The following ADGRL3 variants were observed in gnomAD, a reference collection of about 807,000 sequenced individuals.
The protein encoded by ADGRL3 is adhesion G protein-coupled receptor L3.
A neutral mutation model predicts 153.5 loss-of-function variants in ADGRL3; 62 were observed. That is an observed-to-expected ratio of 0.40 (90% CI 0.33 to 0.50). The LOEUF (loss-of-function observed/expected upper bound fraction) is 0.50, where lower values mean the gene tolerates loss of function less well. Ranked by LOEUF, ADGRL3 falls within the 20% of genes least tolerant of loss-of-function variation. The probability of loss-of-function intolerance (pLI) is 0.47; values close to 1 mark genes in which losing one functional copy is unlikely to be tolerated. For synonymous variants in ADGRL3, 710 were observed against 672.5 expected (o/e 1.06, Z -0.86); for missense variants, 1,641 against 1,859.4 (o/e 0.88, Z 2.16).
At chr4:61,817,965 G>T (rs528503007) in intron 9 of ADGRL3, among the ~76,000 whole-genome samples, 148 of 152,144 alleles carry the variant, frequency 9.7e-4, no homozygotes, top group African/African-American at 3.4e-3. Context: ...TAGAGACACA[G>T]CCAAACCATA....
chr4:61,574,918 G>A (rs1441311086), intron 4 of ADGRL3, among the ~76,000 whole-genome samples: 1 of 150,964 alleles, frequency 6.6e-6, no homozygotes, highest in Non-Finnish European at 1.5e-5. Context: ...ATATTAGAAG[G>A]CTTATATATT....
intron 13 of ADGRL3, among the ~76,000 whole-genome samples, chr4:61,933,424 C>T (rs1581524362): frequency 6.6e-6 from 1 of 152,158 alleles, no homozygotes; most frequent in South Asian, 2.1e-4. Flanking sequence ...TCACGCTTTA[C>T]ACCAAGAACA....
In ADGRL3 at chr4:61,517,653, C is replaced by T. The variant is rs560971801; in HGVS notation, c.259+135C>T. The stretch of plus-strand genomic sequence containing the variant: ...CATTCACTTTTGTGGCTGATATTAC[C>T]ACTTAGTGATATCCTGGCCATTTTT... On this transcript the variant is annotated intron_variant, in intron 4 of 26. Coordinates refer to ENST00000683033, the MANE Select transcript of ADGRL3 (RefSeq NM_001387552.1). The T allele has an allele frequency of 3.1e-5, 19 of 621,766 alleles. No individual in the cohort carries two copies. In the African/African-American group the frequency reaches 3.1e-4, roughly 10 times the overall value. 38.5% of individuals were successfully genotyped at this position (621,766 alleles called of 1,614,324 possible).
intron 8 of ADGRL3, among the ~76,000 whole-genome samples, chr4:61,736,045 A>G (rs1454137341): frequency 6.6e-6 from 1 of 152,074 alleles, no homozygotes; most frequent in Non-Finnish European, 1.5e-5. Flanking sequence ...ATATGACTAT[A>G]TGCTTTTTGT....
chr4:61,881,539 C>T (rs1034564945), intron 9 of ADGRL3, among the ~76,000 whole-genome samples: 8 of 152,082 alleles, frequency 5.3e-5, no homozygotes, highest in Admixed American at 1.3e-4. Flanking sequence ...CCACCATGCC[C>T]GGCTAGTTTT....
At chr4:61,309,353 A>G (rs970060161) in intron 1 of ADGRL3, among the ~76,000 whole-genome samples, 2 of 152,118 alleles carry the variant, frequency 1.3e-5, no homozygotes, top group Non-Finnish European at 2.9e-5. Context: ...CACTCCCTCT[A>G]TCAAGCCTCT....
At chr4:61,494,377 A>G (rs796653695) in intron 2 of ADGRL3, among the ~76,000 whole-genome samples, 13 of 152,298 alleles carry the variant, frequency 8.5e-5, no homozygotes, top group African/African-American at 3.1e-4. Context: ...AAGGCAAAAA[A>G]GGCACAGAAA....
intron 3 of ADGRL3, among the ~76,000 whole-genome samples, chr4:61,512,170 GCAAT>G (rs796746127): frequency 5.7e-4 from 86 of 152,186 alleles, no homozygotes; most frequent in African/African-American, 1.9e-3. Context: ...CATTTCAGTA[GCAAT>G]CAGCCATTTG....
rs869176171 is a variant in ADGRL3, at chr4:61,391,855, CT to C, written c.-174+8688del. ...AAAATTATCCAAGTGAAAAATGCTACTTTTTTTTTTTTTTTTTTTTTTGAGA... is the reference window on the plus strand; with the variant it reads ...AAAATTATCCAAGTGAAAAATGCTACTTTTTTTTTTTTTTTTTTTTTGAGA... On this transcript the variant is annotated intron_variant, in intron 2 of 26. Coordinates refer to ENST00000683033, the MANE Select transcript of ADGRL3 (RefSeq NM_001387552.1). Among the ~76,000 whole-genome samples the C allele has an allele frequency of 2.0e-3, 188 of 93,632 alleles. 11 individuals carry two copies. The highest frequency in any genetic ancestry group is 4.7e-3 in the African/African-American group (113 of 24,250). The allele number at this position is 93,632 out of a possible 152,430, so 61.4% of individuals were successfully genotyped here.
chr4:62,059,160 C>T (rs1738694472), intron 25 of ADGRL3, among the ~76,000 whole-genome samples: 1 of 152,004 alleles, frequency 6.6e-6, no homozygotes, highest in South Asian at 2.1e-4. Context: ...GGAAGTATGT[C>T]CTCTTGAGGT....
intron 2 of ADGRL3, among the ~76,000 whole-genome samples, chr4:61,384,933 G>A (rs551606226): frequency 1.3e-4 from 20 of 152,016 alleles, no homozygotes; most frequent in Non-Finnish European, 2.6e-4. Context: ...AACTGCTAAC[G>A]GATACAAGGT....
At chr4:61,563,156 T>C (rs1443271854) in intron 4 of ADGRL3, among the ~76,000 whole-genome samples, 1 of 152,146 alleles carries the variant, frequency 6.6e-6, no homozygotes, top group Non-Finnish European at 1.5e-5. Context: ...GACTGGAGTA[T>C]GTTGTGTTAG....
At chr4:61,609,988 G>T (rs917582194) in intron 5 of ADGRL3, among the ~76,000 whole-genome samples, 3 of 151,892 alleles carry the variant, frequency 2.0e-5, no homozygotes, top group Non-Finnish European at 4.4e-5. Flanking sequence ...AGACATTTTT[G>T]AAAGTAAAAA....
chr4:61,418,392 C>G (rs1456382676), intron 2 of ADGRL3, among the ~76,000 whole-genome samples: 1 of 152,154 alleles, frequency 6.6e-6, no homozygotes, highest in African/African-American at 2.4e-5. Context: ...TGCAATTGAG[C>G]ATATTTCAGG....
chr4:61,947,470 T>G (rs762153338), intron 16 of ADGRL3, among the ~76,000 whole-genome samples: 2 of 152,312 alleles, frequency 1.3e-5, no homozygotes, highest in South Asian at 4.1e-4. Context: ...ATGAATAGAT[T>G]TTTAGCTGCT....
At chr4:61,934,779 G>C (rs1254485498) in intron 13 of ADGRL3, 61 bp from the exon 14 acceptor site, 147 of 1,360,476 alleles carry the variant, frequency 1.1e-4, no homozygotes, top group Non-Finnish European at 1.4e-4. Context: ...TGTACACCTG[G>C]ATTTCTGACA....
intron 11 of ADGRL3, among the ~76,000 whole-genome samples, chr4:61,905,175 C>T (rs6551669): frequency 0.66 from 100,856 of 151,880 alleles, 33,874 homozygotes; most frequent in Non-Finnish European, 0.72. Flanking sequence ...CTTAGATATT[C>T]CTATGCCCAG....
intron 2 of ADGRL3, among the ~76,000 whole-genome samples, chr4:61,483,976 A>G (rs971591197): frequency 6.6e-6 from 1 of 151,794 alleles, no homozygotes; most frequent in African/African-American, 2.4e-5. Flanking sequence ...TATTCTGCTC[A>G]TATATTTAAA....
At chr4:61,814,524 T>C (rs2097666298) in intron 9 of ADGRL3, among the ~76,000 whole-genome samples, 1 of 152,208 alleles carries the variant, frequency 6.6e-6, no homozygotes, top group South Asian at 2.1e-4. Context: ...AAAATGTTTC[T>C]TGTTCTCACA....
Sources: gnomAD v4.1 joint callset for allele counts (sites outside exome capture counted in the v4.1 genomes callset) on GRCh38, gnomAD v4.1.1 for gene constraint, MANE v1.5 for transcripts, NCBI Gene and HGNC (gene_info 2026-07-23, HGNC 2026-07-21) for gene names.